Variants in NAA11 observed in about 807,000 individuals in gnomAD.
The protein encoded by NAA11 is N-alpha-acetyltransferase 11.
A neutral mutation model predicts 16.1 loss-of-function variants in NAA11; 15 were observed. The ratio of observed to expected loss-of-function variants is 0.93; its 90% CI spans 0.62 to 1.44. NAA11 has a LOEUF of 1.44. NAA11 is among the 40% of genes most tolerant of loss of function. The pLI is 0.00. For missense variants in NAA11, 298 were observed against 291.3 expected, an observed-to-expected ratio of 1.02 and a Z score of -0.17; for synonymous variants, 122 against 112.4, an observed-to-expected ratio of 1.09 and a Z score of -0.54.
At chr4:79,256,391 C>T (rs1006906440) in intron 2 of NAA11, among the ~76,000 whole-genome samples, 1 of 151,836 alleles carries the variant, frequency 6.6e-6, no homozygotes, top group Admixed American at 6.6e-5. Flanking sequence ...ATTTCACCTA[C>T]AGTTCAGTTC....
chr4:79,251,524 A>G (rs991805645), intron 2 of NAA11, among the ~76,000 whole-genome samples: 2 of 152,158 alleles, frequency 1.3e-5, no homozygotes, highest in African/African-American at 4.8e-5. Flanking sequence ...CCTACTGGGA[A>G]CTGTGCTGAT....
At chr4:79,311,977 G>A (rs1723783271), downstream of NAA11, among the ~76,000 whole-genome samples, 1 of 152,164 alleles carries the variant, frequency 6.6e-6, no homozygotes, top group Non-Finnish European at 1.5e-5. Flanking sequence ...CCTAAGAGCA[G>A]TTCTATGGGG....
intron 1 of NAA11, among the ~76,000 whole-genome samples, chr4:79,297,880 G>T (rs532520516): frequency 1.3e-5 from 2 of 152,288 alleles, no homozygotes; most frequent in African/African-American, 4.8e-5. Context: ...CTGAAGGCTG[G>T]GGGGCAGGCT....
the NAA11 span, among the ~76,000 whole-genome samples, chr4:79,166,873 G>GA: frequency 6.2e-5 from 9 of 144,256 alleles, no homozygotes; most frequent in African/African-American, 1.0e-4. Context: ...TTCAAAAAAA[G>GA]AAAAAAAAAT....
the NAA11 span, chr4:79,211,583 A>G: frequency 6.6e-6 from 1 of 152,138 alleles, no homozygotes; most frequent in Non-Finnish European, 1.5e-5. Flanking sequence ...TGTGTTATGC[A>G]TGTCAGAGGC....
rs1443521479 is a variant in NAA11 at position 79,317,606 on chromosome 4, G to A, written c.*198C>T. The stretch of plus-strand genomic sequence containing the variant: ...CAAAGTTCCTTGGCTGTTGTGCAGT[G>A]GCTCTTGTGTCCAGGTATTCCTTCA... On this transcript the variant is annotated 3_prime_UTR_variant, in exon 2 of 2. Coordinates refer to ENST00000286794, the MANE Select transcript of NAA11 (RefSeq NM_032693.3). 6.6e-6 allele frequency: 1 copy of A among 152,296 alleles called. No homozygotes were observed. The highest frequency in any genetic ancestry group is 2.4e-5 in the African/African-American group (1 of 41,440). The allele number at this position is 152,296 out of a possible 1,614,324, so 9.4% of individuals were successfully genotyped here.
intron 1 of NAA11, chr4:79,307,004 T>C (rs1301274426): frequency 2.0e-5 from 3 of 152,218 alleles, no homozygotes; most frequent in Non-Finnish European, 4.4e-5. Context: ...CCCTGATATA[T>C]GTCCAACCCA....
Position 79,256,651 on chromosome 4 carries a change from A to ATATATAAAAATAT in NAA11, c.*123-30382_*123-30381insATATTTTTATATA, listed in dbSNP as rs1722113513. The stretch of plus-strand genomic sequence containing the variant: ...AATGAACCATATATATATAAATATA[A>ATATATAAAAATAT]ATATATATATATATATATTGACACG... On this transcript the variant is annotated intron_variant and NMD_transcript_variant, in intron 2 of 2. Coordinates refer to the NAA11 transcript ENST00000511542. Among the ~76,000 whole-genome samples, 19 of 130,768 alleles carry ATATATAAAAATAT rather than the reference A, an allele frequency of 1.5e-4. 1 individual carries two copies. Among genetic ancestry groups the ATATATAAAAATAT allele is most frequent in the African/African-American group, 5.8e-4 (19 of 32,546 alleles). The allele number at this position is 130,768 out of a possible 152,430, so 85.8% of individuals were successfully genotyped here. A position where few individuals can be genotyped will look rare whatever the true frequency, so the allele number is the denominator to read the frequency against.
intron 2 of NAA11, among the ~76,000 whole-genome samples, chr4:79,285,941 G>C (rs1280747024): frequency 1.3e-5 from 2 of 151,964 alleles, no homozygotes; most frequent in East Asian, 3.8e-4. Context: ...AACTGCCATA[G>C]GTAGTATCAA....
chr4:79,204,885 C>A, the NAA11 span, among the ~76,000 whole-genome samples: 2 of 150,036 alleles, frequency 1.3e-5, no homozygotes, highest in African/African-American at 4.9e-5. Flanking sequence ...CTGCAAAAAA[C>A]ATTATTTTGT....
At chr4:79,229,966 A>G (rs1275408507) in intron 2 of NAA11, among the ~76,000 whole-genome samples, 1 of 151,976 alleles carries the variant, frequency 6.6e-6, no homozygotes, top group East Asian at 1.9e-4. Flanking sequence ...TTTCTATTGT[A>G]TCTTTATGGA....
chr4:79,176,703 A>C, the NAA11 span, among the ~76,000 whole-genome samples: 7 of 152,298 alleles, frequency 4.6e-5, no homozygotes, highest in East Asian at 1.3e-3. Context: ...ACAAACTGAC[A>C]CATAGAATTA....
At chr4:79,179,123 A>G in the NAA11 span, among the ~76,000 whole-genome samples, 4 of 152,202 alleles carry the variant, frequency 2.6e-5, no homozygotes, top group Admixed American at 1.3e-4. Context: ...GGCAAAGGTG[A>G]AAGCTCATGC....
At chr4:79,192,820 T>G in the NAA11 span, among the ~76,000 whole-genome samples, 4 of 150,176 alleles carry the variant, frequency 2.7e-5, no homozygotes, top group Admixed American at 6.6e-5. Context: ...TCCACAATGG[T>G]TGAACTAGTT....
the NAA11 span, among the ~76,000 whole-genome samples, chr4:79,183,230 C>T: frequency 6.6e-6 from 1 of 152,188 alleles, no homozygotes; most frequent in Admixed American, 6.5e-5. Context: ...TACCCTCTCC[C>T]TACTTTCTTC....
At chr4:79,169,453 A>T in the NAA11 span, among the ~76,000 whole-genome samples, 1 of 152,206 alleles carries the variant, frequency 6.6e-6, no homozygotes, top group African/African-American at 2.4e-5. Context: ...GTAACACTAC[A>T]CACCTACAAC....
At chr4:79,263,803 T>C (rs1722287671) in intron 2 of NAA11, among the ~76,000 whole-genome samples, 1 of 152,166 alleles carries the variant, frequency 6.6e-6, no homozygotes, top group South Asian at 2.1e-4. Flanking sequence ...TTCTCTCTTC[T>C]GAATCCCCAA....
chr4:79,224,193 C>A (rs987982813), downstream of NAA11, among the ~76,000 whole-genome samples: 1 of 152,084 alleles, frequency 6.6e-6, no homozygotes, highest in Non-Finnish European at 1.5e-5. Context: ...AGGCAAGAAT[C>A]TGAAAGGATG....
chr4:79,197,341 C>T, the NAA11 span, among the ~76,000 whole-genome samples: 2 of 151,828 alleles, frequency 1.3e-5, no homozygotes, highest in Non-Finnish European at 2.9e-5. Flanking sequence ...GAATGTGTGA[C>T]GTTTGCTGTA....
Sources: allele counts gnomAD v4.1 joint callset (sites outside exome capture counted in the v4.1 genomes callset), GRCh38; gene constraint gnomAD v4.1.1; transcripts MANE v1.5; gene names NCBI Gene and HGNC (gene_info 2026-07-23, HGNC 2026-07-21).